MAP2K1: variants seen among roughly 807,000 people sequenced by gnomAD.
MAP2K1 encodes mitogen-activated protein kinase kinase 1.
MAP2K1 carries 16 observed loss-of-function variants against 46.3 expected under a neutral mutation model. That is an observed-to-expected ratio of 0.35 (90% CI 0.23 to 0.52). MAP2K1 has a LOEUF of 0.52. MAP2K1 is among the 20% of genes least tolerant of loss of function. The pLI is 0.94. For missense variants in MAP2K1, 263 were observed against 497.1 expected (o/e 0.53, Z 4.48); for synonymous variants, 183 against 185.6 (o/e 0.99, Z 0.11).
chr15:66,395,196 G>A (rs1239214878), intron 1 of MAP2K1, among the ~76,000 whole-genome samples: 3 of 152,152 alleles, frequency 2.0e-5, no homozygotes, highest in Non-Finnish European at 4.4e-5. Context: ...TTCCTATGCA[G>A]TATATGCCTA....
chr15:66,471,884 C>T (rs373052428), intron 5 of MAP2K1, among the ~76,000 whole-genome samples: 1 of 152,230 alleles, frequency 6.6e-6, no homozygotes, highest in East Asian at 1.9e-4. Context: ...TGAGACCAGC[C>T]TGGCCAACAT....
intron 1 of MAP2K1, among the ~76,000 whole-genome samples, chr15:66,397,786 A>G (rs975372442): frequency 6.6e-6 from 1 of 152,158 alleles, no homozygotes. Flanking sequence ...AACATTCTCT[A>G]AGACAACTGA....
At chr15:66,404,059 A>G (rs2093389470) in intron 1 of MAP2K1, among the ~76,000 whole-genome samples, 1 of 152,232 alleles carries the variant, frequency 6.6e-6, no homozygotes, top group Non-Finnish European at 1.5e-5. Context: ...GTGGGAAAAC[A>G]GGCAGAAGAA....
intron 5 of MAP2K1, among the ~76,000 whole-genome samples, chr15:66,452,305 A>AG (rs1373742074): frequency 4.4e-4 from 3 of 6,866 alleles, no homozygotes; most frequent in Admixed American, 1.5e-3. Flanking sequence ...AAAAAAAAAG[A>AG]AAAAAAAAAG....
At chr15:66,449,120 C>T in intron 5 of MAP2K1, among the ~76,000 whole-genome samples, 1 of 151,472 alleles carries the variant, frequency 6.6e-6, no homozygotes, top group Admixed American at 6.6e-5. Context: ...ATGAACTGCA[C>T]TCCTTGGCAT....
chr15:66,457,355 A>G (rs1341581678), intron 5 of MAP2K1, among the ~76,000 whole-genome samples: 1 of 152,148 alleles, frequency 6.6e-6, no homozygotes, highest in African/African-American at 2.4e-5. Context: ...CCTGGGCTCA[A>G]GTGATCCACC....
rs375651154 is a variant in MAP2K1, at chr15:66,461,250, G to A, written c.568+16543G>A. ...CACGTCTGTAATCCCAGCACTTTGC[G>A]AGGCTGAGGCAGGTGGATCATGGGA... On this transcript the variant is annotated intron_variant, in intron 5 of 10. Coordinates refer to ENST00000307102, the MANE Select transcript of MAP2K1 (RefSeq NM_002755.4). 3.3e-5 allele frequency among the ~76,000 whole-genome samples: 5 copies of A among 152,202 alleles called. No homozygotes were observed. In the South Asian group the frequency reaches 6.2e-4, roughly 19 times the overall value.
At chr15:66,420,235 C>T (rs2093434601) in intron 1 of MAP2K1, among the ~76,000 whole-genome samples, 1 of 151,922 alleles carries the variant, frequency 6.6e-6, no homozygotes, top group Admixed American at 6.6e-5. Context: ...CAGAGCAAGA[C>T]TCTGTCAAAT....
intron 3 of MAP2K1, among the ~76,000 whole-genome samples, chr15:66,441,500 C>A (rs2093503479): frequency 6.6e-6 from 1 of 151,644 alleles, no homozygotes; most frequent in Non-Finnish European, 1.5e-5. Flanking sequence ...GTGAGACTCC[C>A]CATCTACAAA....
At chr15:66,477,368 C>T (rs1892776980) in intron 5 of MAP2K1, among the ~76,000 whole-genome samples, 1 of 152,132 alleles carries the variant, frequency 6.6e-6, no homozygotes. Context: ...GTGGAGGAGA[C>T]TGTTCTTGTG....
chr15:66,474,996 C>T (rs528200992), intron 5 of MAP2K1, among the ~76,000 whole-genome samples: 1 of 152,146 alleles, frequency 6.6e-6, no homozygotes, highest in African/African-American at 2.4e-5. Flanking sequence ...CTGCTAGGCT[C>T]GCCTGCACCT....
rs568999981 is a variant in MAP2K1 at position 66,491,205 on chromosome 15, G to A, written c.*590G>A. On this transcript the variant is annotated 3_prime_UTR_variant, in exon 11 of 11. Coordinates refer to ENST00000307102, the MANE Select transcript of MAP2K1 (RefSeq NM_002755.4). Reference sequence around the variant, plus strand: ...GAGCCCTTCACTGCCATGATAGCTGGGGCTTCACCAGTCTGTCTACTGTGG... The same window carrying A: ...GAGCCCTTCACTGCCATGATAGCTGAGGCTTCACCAGTCTGTCTACTGTGG... The A allele has an allele frequency of 7.7e-6, 2 of 259,038 alleles. No homozygotes were observed. Among genetic ancestry groups the A allele is most frequent in the African/African-American group, 4.4e-5 (2 of 45,690 alleles). 16.0% of individuals were successfully genotyped at this position (259,038 alleles called of 1,614,324 possible).
At chr15:66,430,838 A>G (rs1567007699) in intron 1 of MAP2K1, among the ~76,000 whole-genome samples, 1 of 152,236 alleles carries the variant, frequency 6.6e-6, no homozygotes. Flanking sequence ...GTTCTTGCCC[A>G]TAGGATTATC....
In MAP2K1 at chr15:66,485,602, AG is replaced by A. The variant is rs532254415; in HGVS notation, c.895+415del. On this transcript the variant is annotated intron_variant, in intron 7 of 10. Coordinates refer to ENST00000307102, the MANE Select transcript of MAP2K1 (RefSeq NM_002755.4). ...ATTTATTTGCGGGGGTTGGGAGGGA[AG>A]GGGCTCACTCTGTCACCCAGGCTGG... is the stretch of plus-strand genomic sequence containing the variant. 5.7e-3 allele frequency among the ~76,000 whole-genome samples: 862 copies of A among 151,836 alleles called. 8 individuals carry two copies. The highest frequency in any genetic ancestry group is 9.4e-3 in the South Asian group (45 of 4,796).
intron 1 of MAP2K1, among the ~76,000 whole-genome samples, chr15:66,434,555 T>A (rs2093482577): frequency 6.6e-6 from 1 of 152,220 alleles, no homozygotes; most frequent in Non-Finnish European, 1.5e-5. Flanking sequence ...TGGACCTGAT[T>A]ACATTGAAAA....
At chr15:66,458,704 A>G (rs952821240) in intron 5 of MAP2K1, among the ~76,000 whole-genome samples, 1 of 152,184 alleles carries the variant, frequency 6.6e-6, no homozygotes, top group African/African-American at 2.4e-5. Context: ...TTTCTTTTCT[A>G]GAGATGCGGT....
chr15:66,475,294 T>C (rs1892729834), intron 5 of MAP2K1, among the ~76,000 whole-genome samples: 2 of 152,228 alleles, frequency 1.3e-5, no homozygotes, highest in Non-Finnish European at 1.5e-5. Flanking sequence ...CCAAGGATAC[T>C]AAGAAGAGGT....
chr15:66,488,752 C>G (rs1014837558), intron 8 of MAP2K1: 1 of 185,426 alleles, frequency 5.4e-6, no homozygotes, highest in Non-Finnish European at 1.1e-5. Flanking sequence ...GCTGTCAGAC[C>G]TGGGCTATGC....
Position 66,387,260 on chromosome 15 carries a change from TGCGCAGCGGGCGCG to T in MAP2K1, c.-86_-73del, listed in dbSNP as rs1566991592. On this transcript the variant is annotated 5_prime_UTR_variant, in exon 1 of 11. Coordinates refer to ENST00000307102, the MANE Select transcript of MAP2K1 (RefSeq NM_002755.4). Reference sequence around the variant, plus strand: ...GGGGCCCGCGGCCCGGACTTGGTCCTGCGCAGCGGGCGCGGGGCAGCGCAGCGGGAGGAAGCGAG... The same window carrying T: ...GGGGCCCGCGGCCCGGACTTGGTCCTGGGCAGCGCAGCGGGAGGAAGCGAG... 3 of 1,225,030 alleles carry T rather than the reference TGCGCAGCGGGCGCG, an allele frequency of 2.4e-6. No individual in the cohort carries two copies. Among genetic ancestry groups the T allele is most frequent in the Non-Finnish European group, 3.5e-6 (3 of 856,084 alleles). The allele number at this position is 1,225,030 out of a possible 1,614,324, so 75.9% of individuals were successfully genotyped here.
Sources: allele counts gnomAD v4.1 joint callset (sites outside exome capture counted in the v4.1 genomes callset), GRCh38; gene constraint gnomAD v4.1.1; transcripts MANE v1.5; gene names NCBI Gene and HGNC (gene_info 2026-07-23, HGNC 2026-07-21).